The following TSC22D2 variants were observed in gnomAD, a reference collection of about 807,000 sequenced individuals.
The protein encoded by TSC22D2 is TSC22 domain family protein 2.
A neutral mutation model predicts 50.1 loss-of-function variants in TSC22D2; 5 were observed. That is an observed-to-expected ratio of 0.10 (90% CI 0.05 to 0.21). TSC22D2 has a LOEUF of 0.21. Ranked by LOEUF, TSC22D2 falls within the 10% of genes least tolerant of loss-of-function variation. The pLI, the probability that TSC22D2 is intolerant of heterozygous loss-of-function variation, is 1.00. For synonymous variants in TSC22D2, 501 were observed against 450.1 expected, an observed-to-expected ratio of 1.11 and a Z score of -1.43; for missense variants, 1,003 against 1,015.5, an observed-to-expected ratio of 0.99 and a Z score of 0.17.
chr3:150,437,843 TAAG>T lies in TSC22D2; in HGVS notation c.1959-19230_1959-19228del, dbSNP rs546165116. Among the ~76,000 whole-genome samples, 896 of 151,656 alleles carry T rather than the reference TAAG, an allele frequency of 5.9e-3. 1 individual carries two copies. The highest frequency in any genetic ancestry group is 0.012 in the South Asian group (59 of 4,810). ...AATAAATAAATAAAATAAAATAAAA[TAAG>T]AAACTCATATACATGGATGTGGACC... On this transcript the variant is annotated intron_variant, in intron 1 of 2. Coordinates refer to ENST00000688009, the MANE Select transcript of TSC22D2 (RefSeq NM_001303264.2).
intron 1 of TSC22D2, among the ~76,000 whole-genome samples, chr3:150,447,297 T>C (rs915962013): frequency 6.6e-6 from 1 of 152,224 alleles, no homozygotes; most frequent in African/African-American, 2.4e-5. Flanking sequence ...CCATGACTCT[T>C]TACATGTTAG....
intron 1 of TSC22D2, among the ~76,000 whole-genome samples, chr3:150,432,659 C>T (rs1394111179): frequency 6.6e-6 from 1 of 151,376 alleles, no homozygotes; most frequent in Non-Finnish European, 1.5e-5. Context: ...ATTGTTGAAC[C>T]AGGATAAACA....
intron 1 of TSC22D2, among the ~76,000 whole-genome samples, chr3:150,447,547 C>A (rs1175469387): frequency 1.3e-5 from 2 of 152,088 alleles, no homozygotes; most frequent in Non-Finnish European, 2.9e-5. Flanking sequence ...AATTTCTTTT[C>A]TCGTCTTTAT....
intron 1 of TSC22D2, 143 bp from the exon 2 acceptor site, chr3:150,456,933 C>G: frequency 1.4e-6 from 1 of 689,778 alleles, no homozygotes; most frequent in East Asian, 2.9e-5. Context: ...GCTTTGAGTA[C>G]TGAAATTGTC....
At chr3:150,412,083 C>G (rs1279791181) in intron 1 of TSC22D2, among the ~76,000 whole-genome samples, 1 of 151,502 alleles carries the variant, frequency 6.6e-6, no homozygotes, top group African/African-American at 2.4e-5. Context: ...TAATTGGCTC[C>G]CTGTATTTAG....
chr3:150,412,713 T>C (rs1159919137), intron 1 of TSC22D2, among the ~76,000 whole-genome samples: 1 of 152,192 alleles, frequency 6.6e-6, no homozygotes, highest in Non-Finnish European at 1.5e-5. Context: ...AAATTTTGTG[T>C]GTGTGGGACT....
At chr3:150,458,298 G>T in intron 2 of TSC22D2, 78 bp from the exon 3 acceptor site, 1 of 1,442,940 alleles carries the variant, frequency 6.9e-7, no homozygotes, top group East Asian at 2.3e-5. Context: ...TAAAAACTTA[G>T]CACCAAGTAG....
chr3:150,436,157 C>A (rs928220620), intron 1 of TSC22D2, among the ~76,000 whole-genome samples: 5 of 152,042 alleles, frequency 3.3e-5, no homozygotes, highest in African/African-American at 4.8e-5. Context: ...TGATATATAA[C>A]TTTTGTATCT....
At position 150,464,141 on chromosome 3, in the gene TSC22D2, G is replaced by A. The variant is rs954347511; in HGVS notation, c.*5505G>A. The A allele has an allele frequency of 2.0e-5, 3 of 152,120 alleles. No individual in the cohort carries two copies. The highest frequency in any genetic ancestry group is 7.2e-5 in the African/African-American group (3 of 41,406). 9.4% of individuals were successfully genotyped at this position (152,120 alleles called of 1,614,324 possible). A position where few individuals can be genotyped will look rare whatever the true frequency, so the allele number is the denominator to read the frequency against. On this transcript the variant is annotated 3_prime_UTR_variant, in exon 3 of 3. Transcript: ENST00000688009. ...GTTAAGTTCATCTCTCCATTCTTTT[G>A]CATGCCTACAATATTTCCATATAAC...
At chr3:150,421,673 C>T (rs1720014766) in intron 1 of TSC22D2, among the ~76,000 whole-genome samples, 1 of 151,950 alleles carries the variant, frequency 6.6e-6, no homozygotes, top group Non-Finnish European at 1.5e-5. Context: ...TCTCTGGCAT[C>T]TTGGAAGTCT....
chr3:150,457,845 A>G (rs1328167356), intron 2 of TSC22D2, among the ~76,000 whole-genome samples: 1 of 151,578 alleles, frequency 6.6e-6, no homozygotes, highest in Non-Finnish European at 1.5e-5. Flanking sequence ...CATGTTGGCC[A>G]AGGTGGTCTC....
At chr3:150,450,363 T>C (rs1397931680) in intron 1 of TSC22D2, among the ~76,000 whole-genome samples, 2 of 152,074 alleles carry the variant, frequency 1.3e-5, no homozygotes, top group Admixed American at 6.5e-5. Context: ...GTTTTGTAAG[T>C]AGAAATTTTA....
At chr3:150,414,000 C>G (rs1466935712) in intron 1 of TSC22D2, among the ~76,000 whole-genome samples, 2 of 152,074 alleles carry the variant, frequency 1.3e-5, no homozygotes, top group Non-Finnish European at 2.9e-5. Context: ...AAACTCTTAT[C>G]TTGAGATTTT....
intron 2 of TSC22D2, among the ~76,000 whole-genome samples, chr3:150,457,706 G>A (rs1021062158): frequency 6.6e-6 from 1 of 152,238 alleles, no homozygotes; most frequent in African/African-American, 2.4e-5. Context: ...CATGATTTTG[G>A]GTCACTGCAA....
In TSC22D2 at chr3:150,441,935, A is replaced by G. The variant is rs560617423; in HGVS notation, c.1959-15141A>G. On this transcript the variant is annotated intron_variant, in intron 1 of 2. Coordinates refer to ENST00000688009, the MANE Select transcript of TSC22D2 (RefSeq NM_001303264.2). ...GCCTAGGCATCTCTCCTTACATTCA[A>G]ACTTACCTGATCTCTCATAGCTGGT... Among the ~76,000 whole-genome samples, 4 of 152,136 alleles carry G rather than the reference A, an allele frequency of 2.6e-5. No homozygotes were observed. In the East Asian group the frequency reaches 7.7e-4, roughly 29 times the overall value.
chr3:150,463,968 T>C lies in TSC22D2; in HGVS notation c.*5332T>C, dbSNP rs963187769. ...CCCATTGTCTACTGTCATGGGTCCA[T>C]AGTATTTAAGTTTACAGACTACAAC... On this transcript the variant is annotated 3_prime_UTR_variant, in exon 3 of 3. Transcript: ENST00000688009. The C allele has an allele frequency of 2.0e-5, 3 of 152,200 alleles. No individual in the cohort carries two copies. Among genetic ancestry groups the C allele is most frequent in the African/African-American group, 7.2e-5 (3 of 41,448 alleles). The allele number at this position is 152,200 out of a possible 1,614,324, so 9.4% of individuals were successfully genotyped here.
intron 1 of TSC22D2, among the ~76,000 whole-genome samples, chr3:150,431,909 T>A (rs10935800): frequency 6.6e-6 from 1 of 152,036 alleles, no homozygotes; most frequent in East Asian, 1.9e-4. Flanking sequence ...TTGGAAAAAA[T>A]AGTGTAATTT....
chr3:150,423,974 C>G (rs1720093403), intron 1 of TSC22D2, among the ~76,000 whole-genome samples: 1 of 152,196 alleles, frequency 6.6e-6, no homozygotes, highest in South Asian at 2.1e-4. Context: ...TCAACTCCAT[C>G]TCTTTCATTA....
At chr3:150,437,993 C>T (rs1010503147) in intron 1 of TSC22D2, among the ~76,000 whole-genome samples, 5 of 151,980 alleles carry the variant, frequency 3.3e-5, no homozygotes, top group Non-Finnish European at 7.4e-5. Flanking sequence ...TTCTACTTTA[C>T]TCTTTACTAA....
Sources: allele counts gnomAD v4.1 joint callset (sites outside exome capture counted in the v4.1 genomes callset), GRCh38; gene constraint gnomAD v4.1.1; transcripts MANE v1.5; gene names NCBI Gene and HGNC (gene_info 2026-07-23, HGNC 2026-07-21).